Variants in LHCGR observed in about 807,000 individuals in gnomAD.
LHCGR encodes lutropin-choriogonadotropic hormone receptor.
LHCGR carries 55 observed loss-of-function variants against 60.7 expected under a neutral mutation model. The ratio of observed to expected loss-of-function variants is 0.91; its 90% CI spans 0.73 to 1.13. The LOEUF (loss-of-function observed/expected upper bound fraction) is 1.13. LHCGR is among the 50% of genes most tolerant of loss of function. LHCGR has a pLI of 0.00. For synonymous variants in LHCGR, 337 were observed against 316.5 expected (o/e 1.06, Z -0.69); for missense variants, 862 against 836.0 (o/e 1.03, Z -0.38).
chr2:48,693,699 A>G (rs1396140309), intron 10 of LHCGR, among the ~76,000 whole-genome samples: 1 of 152,232 alleles, frequency 6.6e-6, no homozygotes, highest in East Asian at 1.9e-4. Context: ...TATAGCAGAA[A>G]AGTGTTAAAA....
At chr2:48,748,305 C>T (rs1669801300) in intron 1 of LHCGR, among the ~76,000 whole-genome samples, 1 of 152,106 alleles carries the variant, frequency 6.6e-6, no homozygotes, top group Admixed American at 6.5e-5. Context: ...ACAAGTCTCA[C>T]CTGAAGGCTT....
At position 48,715,549 on chromosome 2, in the gene LHCGR, A is replaced by G. The variant is rs763571246; in HGVS notation, c.537-1495T>C. The stretch of plus-strand genomic sequence containing the variant: ...TGGGGTGTGACTTGAGAAATGGTTC[A>G]GAAACATGCTTCACTTGTTCCTGCT... On this transcript the variant is annotated intron_variant, in intron 6 of 10. Transcript: ENST00000294954. 2.4e-4 allele frequency among the ~76,000 whole-genome samples: 36 copies of G among 152,318 alleles called. 1 individual carries two copies. Among genetic ancestry groups the G allele is most frequent in the Non-Finnish European group, 3.4e-4 (23 of 68,024 alleles).
intron 8 of LHCGR, 181 bp downstream of exon 8, chr2:48,708,767 C>T: frequency 3.0e-6 from 2 of 664,980 alleles, no homozygotes; most frequent in Non-Finnish European, 2.7e-6. Context: ...TTGTCTAAGC[C>T]TCTCGGTTTG....
At chr2:48,742,184 T>A in intron 1 of LHCGR, among the ~76,000 whole-genome samples, 1 of 151,832 alleles carries the variant, frequency 6.6e-6, no homozygotes, top group East Asian at 1.9e-4. Context: ...GCACCCAGAT[T>A]CATAAAGCAA....
chr2:48,748,691 A>C (rs549594828), intron 1 of LHCGR, among the ~76,000 whole-genome samples: 1 of 152,292 alleles, frequency 6.6e-6, no homozygotes, highest in African/African-American at 2.4e-5. Flanking sequence ...TCATCAGATT[A>C]TTACAATAAT....
chr2:48,725,740 T>C lies in LHCGR; in HGVS notation c.319A>G (p.Asn107Asp). The change falls in exon 4 of 11, where the codon AAC (asparagine) becomes GAC (aspartate). Residue 107 changes from asparagine (N) to aspartate (D), a missense_variant. Transcript: ENST00000294954. ...TCAATGTATCTCAGATTTTTGGTGTTCTGGATCAGTCTGTAAAGAGAGAGG... is the reference window on the plus strand; with the variant it reads ...TCAATGTATCTCAGATTTTTGGTGTCCTGGATCAGTCTGTAAAGAGAGAGG... Reference protein sequence around the residue: ...LLNLSEILIQNTKNLRYIEPG... With the variant: ...LLNLSEILIQDTKNLRYIEPG... 5.0e-6 allele frequency: 8 copies of C among 1,610,874 alleles called. No individual in the cohort carries two copies. The highest frequency in any genetic ancestry group is 5.9e-6 in the Non-Finnish European group (7 of 1,177,294).
intron 8 of LHCGR, 22 bp downstream of exon 8, chr2:48,708,926 G>A (rs765798859): frequency 6.2e-7 from 1 of 1,602,276 alleles, no homozygotes; most frequent in South Asian, 1.1e-5. Flanking sequence ...GCAGGGAGGG[G>A]AGGCAGCACC....
chr2:48,751,720 T>G (rs1029207485), intron 1 of LHCGR, among the ~76,000 whole-genome samples: 1 of 152,230 alleles, frequency 6.6e-6, no homozygotes, highest in African/African-American at 2.4e-5. Flanking sequence ...ATATGAACAT[T>G]GCATTAGGTT....
intron 9 of LHCGR, 144 bp from the exon 10 acceptor site, chr2:48,694,448 G>C: frequency 4.5e-6 from 3 of 659,560 alleles, no homozygotes; most frequent in African/African-American, 1.8e-5. Flanking sequence ...TAACTGAAAT[G>C]CTTCCTGAGG....
At chr2:48,726,215 G>A (rs569514581) in intron 3 of LHCGR, among the ~76,000 whole-genome samples, 122 of 152,226 alleles carry the variant, frequency 8.0e-4, no homozygotes, top group Middle Eastern at 3.4e-3. Context: ...TATACCGAGG[G>A]GCACCAGTCT....
intron 7 of LHCGR, among the ~76,000 whole-genome samples, chr2:48,711,534 TG>T (rs1667988979): frequency 6.6e-6 from 1 of 152,224 alleles, no homozygotes; most frequent in Non-Finnish European, 1.5e-5. Flanking sequence ...GTTGACTAAT[TG>T]AACTTTTCAT....
chr2:48,746,440 A>G (rs548366105), intron 1 of LHCGR, among the ~76,000 whole-genome samples: 271 of 152,342 alleles, frequency 1.8e-3, no homozygotes, highest in African/African-American at 6.2e-3. Flanking sequence ...ACAACCTTCA[A>G]TTAAATATTT....
chr2:48,719,237 G>A (rs1041270437), intron 6 of LHCGR, among the ~76,000 whole-genome samples: 3 of 152,128 alleles, frequency 2.0e-5, no homozygotes, highest in South Asian at 2.1e-4. Context: ...CAGGAGAATC[G>A]CTTGAACCCA....
Position 48,746,394 on chromosome 2 carries a change from G to T in LHCGR, c.161+9117C>A, listed in dbSNP as rs376476380. Reference sequence around the variant, plus strand: ...TTTTGGGCTCAGATATCTCTTTTAGGACTCTTCTGATAGCCTTTTTAAGAA... The same window carrying T: ...TTTTGGGCTCAGATATCTCTTTTAGTACTCTTCTGATAGCCTTTTTAAGAA... On this transcript the variant is annotated intron_variant, in intron 1 of 10. Transcript: ENST00000294954. Among the ~76,000 whole-genome samples the T allele has an allele frequency of 7.9e-5, 12 of 152,244 alleles. No individual in the cohort carries two copies. The East Asian group carries it at 1.7e-3, about 22-fold the overall frequency.
intron 7 of LHCGR, among the ~76,000 whole-genome samples, chr2:48,709,749 T>G (rs1386771243): frequency 6.6e-6 from 1 of 152,184 alleles, no homozygotes; most frequent in Non-Finnish European, 1.5e-5. Context: ...CTCAAAGTCA[T>G]TCAGGCTAAA....
chr2:48,698,260 G>T (rs890812677), intron 9 of LHCGR, among the ~76,000 whole-genome samples: 3 of 152,086 alleles, frequency 2.0e-5, no homozygotes, highest in African/African-American at 7.2e-5. Context: ...CCCTCCTGAG[G>T]CTTCTTCCTT....
At chr2:48,703,236 T>C (rs1380419091) in intron 8 of LHCGR, among the ~76,000 whole-genome samples, 1 of 152,258 alleles carries the variant, frequency 6.6e-6, no homozygotes, top group Non-Finnish European at 1.5e-5. Context: ...CTGTTTACTC[T>C]GCTGATAGTT....
At chr2:48,749,311 G>T (rs1205680293) in intron 1 of LHCGR, among the ~76,000 whole-genome samples, 4 of 152,180 alleles carry the variant, frequency 2.6e-5, no homozygotes, top group Non-Finnish European at 5.9e-5. Flanking sequence ...AAGCCCACCT[G>T]CCTGGTGGGA....
At chr2:48,749,310 T>A (rs767859220) in intron 1 of LHCGR, among the ~76,000 whole-genome samples, 4 of 152,202 alleles carry the variant, frequency 2.6e-5, no homozygotes, top group Non-Finnish European at 4.4e-5. Flanking sequence ...AAAGCCCACC[T>A]GCCTGGTGGG....
Sources: allele counts gnomAD v4.1 joint callset (sites outside exome capture counted in the v4.1 genomes callset), GRCh38; gene constraint gnomAD v4.1.1; transcripts MANE v1.5; gene names NCBI Gene and HGNC (gene_info 2026-07-23, HGNC 2026-07-21).